C2CD5: variants seen among roughly 807,000 people sequenced by gnomAD.
The protein encoded by C2CD5 is C2 domain-containing protein 5.
A neutral mutation model predicts 130.3 loss-of-function variants in C2CD5; 109 were observed. That is an observed-to-expected ratio of 0.84 (90% CI 0.72 to 0.98). The LOEUF (loss-of-function observed/expected upper bound fraction) is 0.98. C2CD5 is among the 50% of genes least tolerant of loss of function. The pLI is 0.00. For missense variants in C2CD5, 996 were observed against 1,261.8 expected, an observed-to-expected ratio of 0.79 and a Z score of 3.19; for synonymous variants, 454 against 429.2, an observed-to-expected ratio of 1.06 and a Z score of -0.71.
chr12:22,505,686 T>C (rs760691162), intron 10 of C2CD5, among the ~76,000 whole-genome samples: 62 of 152,178 alleles, frequency 4.1e-4, no homozygotes, highest in Admixed American at 2.5e-3. Flanking sequence ...ATTTTAGACG[T>C]AGAAAAATCA....
Position 22,485,541 on chromosome 12 carries a change from A to G in C2CD5, c.1359-653T>C, listed in dbSNP as rs142415744. 3.1e-3 allele frequency among the ~76,000 whole-genome samples: 465 copies of G among 152,216 alleles called. 2 individuals carry two copies. The highest frequency in any genetic ancestry group is 0.01 in the African/African-American group (436 of 41,558). On this transcript the variant is annotated intron_variant, in intron 12 of 26. Coordinates refer to ENST00000446597, the MANE Select transcript of C2CD5 (RefSeq NM_001286176.2). ...AATGTAAAAAAGTATTAAAAAAGAA[A>G]AATAGTAAGTCAAAAACAGGCATAC...
At chr12:22,473,484 C>G (rs573905754) in intron 16 of C2CD5, among the ~76,000 whole-genome samples, 1 of 152,258 alleles carries the variant, frequency 6.6e-6, no homozygotes, top group Admixed American at 6.6e-5. Context: ...GTTCCACACC[C>G]AGGATCTCGA....
intron 16 of C2CD5, 61 bp downstream of exon 16, chr12:22,474,690 G>A (rs1177695335): frequency 9.6e-6 from 12 of 1,250,212 alleles, no homozygotes; most frequent in African/African-American, 3.1e-5. Flanking sequence ...AATTTAGCAC[G>A]TGAAAAAATG....
intron 10 of C2CD5, among the ~76,000 whole-genome samples, chr12:22,494,385 T>C (rs1946749585): frequency 6.6e-6 from 1 of 152,088 alleles, no homozygotes; most frequent in African/African-American, 2.4e-5. Context: ...AATTGCAGTA[T>C]ATATCCAATT....
At chr12:22,538,949 TCC>T (rs1952079464) in intron 2 of C2CD5, among the ~76,000 whole-genome samples, 1 of 152,148 alleles carries the variant, frequency 6.6e-6, no homozygotes, top group Admixed American at 6.6e-5. Flanking sequence ...TCCTTCATTA[TCC>T]CCCTTTTCCT....
At chr12:22,501,050 T>A (rs1039457499) in intron 10 of C2CD5, among the ~76,000 whole-genome samples, 17 of 152,188 alleles carry the variant, frequency 1.1e-4, no homozygotes, top group African/African-American at 4.1e-4. Context: ...TTTACCTATA[T>A]CAAATTTTTC....
intron 10 of C2CD5, among the ~76,000 whole-genome samples, chr12:22,499,564 T>G (rs1226327468): frequency 1.3e-5 from 2 of 152,130 alleles, no homozygotes; most frequent in African/African-American, 2.4e-5. Context: ...CACCAAAACC[T>G]AGGTTACCTA....
At chr12:22,497,325 T>C (rs1390404782) in intron 10 of C2CD5, among the ~76,000 whole-genome samples, 1 of 152,090 alleles carries the variant, frequency 6.6e-6, no homozygotes, top group Non-Finnish European at 1.5e-5. Flanking sequence ...AAATCATAAA[T>C]ACTCAAGGTG....
In C2CD5 at chr12:22,478,210, G is replaced by A. The variant is rs1944151946; in HGVS notation, c.1902+103C>T. On this transcript the variant is annotated intron_variant, in intron 15 of 26. Transcript: ENST00000446597. ...GGTGAAAGAATGAGTAATAAGGAGAGCTAAACAGTGAAAAAAAAATCTTGT... is the reference window on the plus strand; with the variant it reads ...GGTGAAAGAATGAGTAATAAGGAGAACTAAACAGTGAAAAAAAAATCTTGT... 3.5e-6 allele frequency: 3 copies of A among 868,858 alleles called. No homozygotes were observed. The East Asian group carries it at 7.8e-5, about 22-fold the overall frequency. 53.8% of individuals were successfully genotyped at this position (868,858 alleles called of 1,614,324 possible).
chr12:22,531,707 T>A (rs1415221891), intron 3 of C2CD5, among the ~76,000 whole-genome samples: 1 of 152,204 alleles, frequency 6.6e-6, no homozygotes, highest in Non-Finnish European at 1.5e-5. Context: ...AACTGAGTCC[T>A]TTTGACAGAA....
chr12:22,507,345 T>C (rs1277259583), intron 9 of C2CD5, among the ~76,000 whole-genome samples: 1 of 152,090 alleles, frequency 6.6e-6, no homozygotes, highest in African/African-American at 2.4e-5. Context: ...GTGGCAAATA[T>C]CAAGTTGAGA....
chr12:22,504,295 T>G (rs945369808), intron 10 of C2CD5, among the ~76,000 whole-genome samples: 5 of 144,926 alleles, frequency 3.5e-5, no homozygotes, highest in East Asian at 2.0e-4. Context: ...AATCAAAATG[T>G]TTTTTTTTCT....
intron 2 of C2CD5, among the ~76,000 whole-genome samples, chr12:22,538,299 C>T (rs1051420837): frequency 1.3e-5 from 2 of 152,114 alleles, no homozygotes; most frequent in African/African-American, 4.8e-5. Flanking sequence ...CTTTTCTCCA[C>T]CTAATTCAAG....
At chr12:22,530,326 G>A (rs1337929796) in intron 3 of C2CD5, among the ~76,000 whole-genome samples, 2 of 149,130 alleles carry the variant, frequency 1.3e-5, no homozygotes, top group Non-Finnish European at 3.0e-5. Context: ...ATAACTGAAT[G>A]CAATTAACAA....
At chr12:22,537,307 C>T (rs922066157) in intron 2 of C2CD5, among the ~76,000 whole-genome samples, 1 of 152,264 alleles carries the variant, frequency 6.6e-6, no homozygotes, top group African/African-American at 2.4e-5. Flanking sequence ...CCCTGCTACT[C>T]AAGAAGCTAA....
chr12:22,501,730 A>G (rs570193946), intron 10 of C2CD5, among the ~76,000 whole-genome samples: 2 of 152,118 alleles, frequency 1.3e-5, no homozygotes, highest in Non-Finnish European at 2.9e-5. Context: ...GGTTTACCAG[A>G]CTGAATTTAG....
At chr12:22,502,335 T>A (rs1463527482) in intron 10 of C2CD5, among the ~76,000 whole-genome samples, 1 of 152,102 alleles carries the variant, frequency 6.6e-6, no homozygotes, top group African/African-American at 2.4e-5. Context: ...CAAATCTAAA[T>A]GTGCATTTAA....
intron 14 of C2CD5, among the ~76,000 whole-genome samples, chr12:22,481,001 C>T (rs578063217): frequency 1.7e-3 from 259 of 152,124 alleles, no homozygotes; most frequent in Non-Finnish European, 2.5e-3. Flanking sequence ...GATGGGGTTT[C>T]GCCCTGTTGC....
At position 22,472,375 on chromosome 12, in the gene C2CD5, T is replaced by C. The variant is rs755622091; in HGVS notation, c.2108-28A>G. On this transcript the variant is annotated intron_variant, in intron 17 of 26. Coordinates refer to ENST00000446597, the MANE Select transcript of C2CD5 (RefSeq NM_001286176.2). Reference sequence around the variant, plus strand: ...GTCAAAATAAATTGTAATCAAAATATATGATAATATTTCATTGATTTTTGT... The same window carrying C: ...GTCAAAATAAATTGTAATCAAAATACATGATAATATTTCATTGATTTTTGT... The C allele has an allele frequency of 5.5e-6, 6 of 1,086,816 alleles. No homozygotes were observed. The South Asian group carries it at 7.2e-5, about 13-fold the overall frequency. 67.3% of individuals were successfully genotyped at this position (1,086,816 alleles called of 1,614,324 possible). A position where few individuals can be genotyped will look rare whatever the true frequency, so the allele number is the denominator to read the frequency against.
Sources: allele counts gnomAD v4.1 joint callset (sites outside exome capture counted in the v4.1 genomes callset), GRCh38; gene constraint gnomAD v4.1.1; transcripts MANE v1.5; gene names NCBI Gene and HGNC (gene_info 2026-07-23, HGNC 2026-07-21).